Variants in SLIT1 observed in about 807,000 individuals in gnomAD.
SLIT1 encodes slit homolog 1 protein.
In SLIT1, 66 loss-of-function variants were observed where a neutral mutation model predicts 186.1. The ratio of observed to expected loss-of-function variants is 0.35; its 90% CI spans 0.29 to 0.44. The LOEUF (loss-of-function observed/expected upper bound fraction) is 0.44, where lower values mean the gene tolerates loss of function less well. SLIT1 is among the 20% of genes least tolerant of loss of function. The probability of loss-of-function intolerance (pLI) is 1.00; values close to 1 mark genes in which losing one functional copy is unlikely to be tolerated. For synonymous variants in SLIT1, 761 were observed against 833.8 expected (o/e 0.91, Z 1.50); for missense variants, 1,638 against 2,037.4 (o/e 0.80, Z 3.77).
At chr10:97,111,395 T>A (rs1477391185) in intron 4 of SLIT1, among the ~76,000 whole-genome samples, 3 of 152,104 alleles carry the variant, frequency 2.0e-5, no homozygotes, top group African/African-American at 7.2e-5. Flanking sequence ...CTACAGAGAT[T>A]ATTCTAATTC....
intron 4 of SLIT1, among the ~76,000 whole-genome samples, chr10:97,157,023 A>G (rs1411473552): frequency 5.9e-5 from 9 of 152,226 alleles, no homozygotes; most frequent in Non-Finnish European, 1.2e-4. Context: ...ACTGAGAAAT[A>G]TGTAAGTTAC....
At chr10:97,169,778 C>A (rs1174357134) in intron 1 of SLIT1, among the ~76,000 whole-genome samples, 2 of 152,218 alleles carry the variant, frequency 1.3e-5, no homozygotes, top group Non-Finnish European at 2.9e-5. Context: ...CATGCTTCAT[C>A]TCATTTCACT....
At chr10:97,145,396 G>A (rs561647867) in intron 4 of SLIT1, among the ~76,000 whole-genome samples, 4 of 152,278 alleles carry the variant, frequency 2.6e-5, no homozygotes, top group Admixed American at 6.5e-5. Flanking sequence ...GATTACAGGC[G>A]TGAGCCACTG....
At chr10:97,066,672 G>C (rs1201791700) in intron 4 of SLIT1, among the ~76,000 whole-genome samples, 6 of 152,178 alleles carry the variant, frequency 3.9e-5, no homozygotes, top group Non-Finnish European at 5.9e-5. Context: ...AAAGCTCCCT[G>C]AGGCCTCCCC....
intron 22 of SLIT1, among the ~76,000 whole-genome samples, chr10:97,035,145 G>A (rs1455532021): frequency 6.6e-6 from 1 of 151,850 alleles, no homozygotes; most frequent in Non-Finnish European, 1.5e-5. Flanking sequence ...CAAAACTCCC[G>A]CCACCCGCTT....
intron 4 of SLIT1, among the ~76,000 whole-genome samples, chr10:97,085,215 G>A (rs892362563): frequency 1.3e-5 from 2 of 151,576 alleles, no homozygotes; most frequent in Non-Finnish European, 2.9e-5. Flanking sequence ...GAGCCACCAC[G>A]CCCAGCGTTA....
chr10:97,004,276 C>A lies in SLIT1; in HGVS notation c.3711-54G>T. On this transcript the variant is annotated intron_variant, in intron 33 of 36. Transcript: ENST00000266058. This position sits in a 1 kb window ranked among gnomAD's most constrained non-coding sequence, Gnocchi z 5.1. The stretch of plus-strand genomic sequence containing the variant: ...GGGAGTGGGCATCAGTCTGGACCAT[C>A]CCTGCCTGGGCACTTCCCCAGAAAC... 6.4e-7 allele frequency: 1 copy of A among 1,551,690 alleles called. No homozygotes were observed. Among genetic ancestry groups the A allele is most frequent in the South Asian group, 1.2e-5 (1 of 85,102 alleles).
intron 4 of SLIT1, among the ~76,000 whole-genome samples, chr10:97,122,394 A>G (rs1849567368): frequency 6.6e-6 from 1 of 152,214 alleles, no homozygotes; most frequent in South Asian, 2.1e-4. Flanking sequence ...CCAGCTCTCC[A>G]AGGGAAACAG....
chr10:97,095,816 G>A (rs536624397), intron 4 of SLIT1, among the ~76,000 whole-genome samples: 5 of 152,202 alleles, frequency 3.3e-5, no homozygotes, highest in South Asian at 4.1e-4. Context: ...GGAATTCCAC[G>A]TCCCCATCTG....
rs565641541 is a variant in SLIT1 at position 97,139,049 on chromosome 10, G to T, written c.413+18769C>A. On this transcript the variant is annotated intron_variant, in intron 4 of 36. Coordinates refer to ENST00000266058, the MANE Select transcript of SLIT1 (RefSeq NM_003061.3). ...ACAAATGACTGCAGGCAGCAGGCTT[G>T]TAATGAGTTGGTCGGGTGAATGAAT... Among the ~76,000 whole-genome samples, 17 of 152,370 alleles carry T rather than the reference G, an allele frequency of 1.1e-4. No homozygotes were observed. In the East Asian group the frequency reaches 3.1e-3, roughly 28 times the overall value.
At chr10:97,149,840 A>C (rs1849856667) in intron 4 of SLIT1, among the ~76,000 whole-genome samples, 1 of 152,130 alleles carries the variant, frequency 6.6e-6, no homozygotes, top group Non-Finnish European at 1.5e-5. Context: ...GAAAAAATAA[A>C]TTTTTTGAGG....
Position 97,063,609 on chromosome 10 carries a change from G to A in SLIT1, c.639C>T (p.His213=). The change falls in exon 8 of 37, where the codon CAC becomes CAT. Residue 213 remains histidine, a synonymous_variant. Transcript: ENST00000266058. ...GGCAGTCGCAAAACAGGTGGTTGGA[G>A]TGCAGGCGGCTGCAAGAGGACAGGA... ...HMPKLRTFRL[H]SNHLFCDCHL... is the part of the protein sequence containing the mutation. 1 of 1,605,954 alleles carries A rather than the reference G, an allele frequency of 6.2e-7. No individual in the cohort carries two copies. Among genetic ancestry groups the A allele is most frequent in the African/African-American group, 1.3e-5 (1 of 74,976 alleles).
chr10:97,006,864 A>C lies in SLIT1; in HGVS notation c.3342-144T>G. 2 of 642,608 alleles carry C rather than the reference A, an allele frequency of 3.1e-6. No homozygotes were observed. Among genetic ancestry groups the C allele is most frequent in the Non-Finnish European group, 5.6e-6 (2 of 359,986 alleles). 39.8% of individuals were successfully genotyped at this position (642,608 alleles called of 1,614,324 possible). A position where few individuals can be genotyped will look rare whatever the true frequency, so the allele number is the denominator to read the frequency against. On this transcript the variant is annotated intron_variant, in intron 31 of 36. Coordinates refer to ENST00000266058, the MANE Select transcript of SLIT1 (RefSeq NM_003061.3). The surrounding 1 kb of genome is among the most constrained non-coding windows in gnomAD (Gnocchi z 4.0). ...AAGATGCTCCTAATAAACACTTTTC[A>C]TGAGAGAGCTGAGAGCCAGAAGGAT...
chr10:97,040,469 G>GT (rs1848681090), intron 20 of SLIT1, among the ~76,000 whole-genome samples: 1 of 152,182 alleles, frequency 6.6e-6, no homozygotes, highest in East Asian at 1.9e-4. Context: ...TAACAGTACA[G>GT]TTAGGGGTGC....
At chr10:97,119,913 G>GTATATATATATATATATATATA (rs55656011) in intron 4 of SLIT1, among the ~76,000 whole-genome samples, 57 of 56,506 alleles carry the variant, frequency 1.0e-3, no homozygotes, top group Non-Finnish European at 1.5e-3. Flanking sequence ...TTCCAAAGGG[G>GTATATATATATATATATATATA]TATATATATA....
At chr10:97,029,791 C>T (rs1406883878) in intron 25 of SLIT1, among the ~76,000 whole-genome samples, 2 of 152,196 alleles carry the variant, frequency 1.3e-5, no homozygotes, top group Non-Finnish European at 2.9e-5. Flanking sequence ...CTCCCCATGG[C>T]CCCTGCCTCC....
chr10:97,049,154 G>A, intron 13 of SLIT1, 36 bp from the exon 14 acceptor site: 1 of 1,600,942 alleles, frequency 6.2e-7, no homozygotes, highest in Non-Finnish European at 8.5e-7. Flanking sequence ...TGAGAAACAA[G>A]GGCTGCAAAC....
chr10:97,135,619 G>C (rs1348082382), intron 4 of SLIT1, among the ~76,000 whole-genome samples: 1 of 152,168 alleles, frequency 6.6e-6, no homozygotes, highest in Non-Finnish European at 1.5e-5. Context: ...GTAACCCCAG[G>C]GGGCTGCAGT....
chr10:97,136,639 T>A (rs11189009), intron 4 of SLIT1, among the ~76,000 whole-genome samples: 2,323 of 152,294 alleles, frequency 0.015, 54 homozygotes, highest in African/African-American at 0.05. Flanking sequence ...TATAGAGTAC[T>A]GATGAGCATG....
Sources: allele counts gnomAD v4.1 joint callset (sites outside exome capture counted in the v4.1 genomes callset), GRCh38; gene constraint gnomAD v4.1.1; non-coding constraint Gnocchi (gnomAD v3.1); transcripts MANE v1.5; gene names NCBI Gene and HGNC (gene_info 2026-07-23, HGNC 2026-07-21).